Variants in ROR1 observed in about 807,000 individuals in gnomAD.
The protein encoded by ROR1 is inactive tyrosine-protein kinase transmembrane receptor ROR1.
Under a neutral mutation model 78.8 loss-of-function variants are expected in ROR1, and 19 were observed. The ratio of observed to expected loss-of-function variants is 0.24; its 90% CI spans 0.17 to 0.35. ROR1 has a LOEUF of 0.35. Ranked by LOEUF, ROR1 falls within the 10% of genes least tolerant of loss-of-function variation. The pLI, the probability that ROR1 is intolerant of heterozygous loss-of-function variation, is 1.00. For synonymous variants in ROR1, 386 were observed against 433.6 expected (o/e 0.89, Z 1.36); for missense variants, 917 against 1,177.8 (o/e 0.78, Z 3.24).
In ROR1 at chr1:63,786,798, G is replaced by A. The variant is rs78696627; in HGVS notation, c.91+12290G>A. On this transcript the variant is annotated intron_variant, in intron 1 of 8. Coordinates refer to ENST00000371079, the MANE Select transcript of ROR1 (RefSeq NM_005012.4). ...CAATTGATCTGAGTGCTGGTGGATG[G>A]GAGGGAAGGAAAGGAGGGGCCCAAG... Among the ~76,000 whole-genome samples, 851 of 152,134 alleles carry A rather than the reference G, an allele frequency of 5.6e-3. 8 individuals are homozygous for A. The highest frequency in any genetic ancestry group is 0.02 in the African/African-American group (811 of 41,484).
chr1:63,843,085 C>G lies in ROR1; in HGVS notation c.91+68577C>G. On this transcript the variant is annotated intron_variant, in intron 1 of 8. Transcript: ENST00000371079. ...GAGTGAAGGGATTGCCCTCCCCCTGCTGGGATCCCCCCAGCCCCTCTGGTC... is the reference window on the plus strand; with the variant it reads ...GAGTGAAGGGATTGCCCTCCCCCTGGTGGGATCCCCCCAGCCCCTCTGGTC... 1.7e-5 allele frequency: 9 copies of G among 536,212 alleles called. No individual in the cohort carries two copies. In the South Asian group the frequency reaches 1.9e-4, roughly 11 times the overall value. The allele number at this position is 536,212 out of a possible 1,614,324, so 33.2% of individuals were successfully genotyped here.
At chr1:63,788,887 TC>T (rs1214655406) in intron 1 of ROR1, 2 of 879,484 alleles carry the variant, frequency 2.3e-6, no homozygotes, top group African/African-American at 1.7e-5. Flanking sequence ...GTGGATGTGT[TC>T]CATGAGAATC....
chr1:63,939,104 A>G (rs192535675), intron 1 of ROR1, among the ~76,000 whole-genome samples: 83 of 152,350 alleles, frequency 5.4e-4, no homozygotes, highest in African/African-American at 2.0e-3. Context: ...AGGAAGAAGG[A>G]TCAGGTTGAT....
chr1:63,909,889 G>T (rs535228884), intron 1 of ROR1, among the ~76,000 whole-genome samples: 3 of 152,184 alleles, frequency 2.0e-5, no homozygotes, highest in African/African-American at 4.8e-5. Flanking sequence ...GTTGTTTGGC[G>T]TGCTGCAAAA....
chr1:63,871,254 G>C (rs2100359422), intron 1 of ROR1, among the ~76,000 whole-genome samples: 1 of 152,304 alleles, frequency 6.6e-6, no homozygotes, highest in East Asian at 1.9e-4. Flanking sequence ...ACCATAATAA[G>C]TACATGACAG....
chr1:64,013,013 G>GA, intron 2 of ROR1, among the ~76,000 whole-genome samples: 1 of 152,262 alleles, frequency 6.6e-6, no homozygotes, highest in East Asian at 1.9e-4. Context: ...ACTCCACTAT[G>GA]CGTTTCCTGT....
intron 1 of ROR1, among the ~76,000 whole-genome samples, chr1:63,974,518 A>G (rs1333910404): frequency 6.6e-6 from 1 of 151,890 alleles, no homozygotes; most frequent in Admixed American, 6.6e-5. Flanking sequence ...TCTCAGCTCA[A>G]TGCAACCTTC....
At chr1:63,838,544 T>C (rs1054300264) in intron 1 of ROR1, among the ~76,000 whole-genome samples, 16 of 152,100 alleles carry the variant, frequency 1.1e-4, no homozygotes, top group Non-Finnish European at 1.5e-4. Flanking sequence ...AAAATATTTT[T>C]GTACAGCTAT....
At chr1:63,884,718 G>A (rs77811495) in intron 1 of ROR1, among the ~76,000 whole-genome samples, 1,852 of 152,260 alleles carry the variant, frequency 0.012, 42 homozygotes, top group African/African-American at 0.043. Context: ...GACCTGGGGA[G>A]GAGACAGGGG....
At chr1:63,888,803 C>T (rs1645374696) in intron 1 of ROR1, among the ~76,000 whole-genome samples, 1 of 151,932 alleles carries the variant, frequency 6.6e-6, no homozygotes, top group East Asian at 1.9e-4. Context: ...CTAATATGTG[C>T]CAAGCATATG....
At chr1:63,915,449 G>A (rs1645601813) in intron 1 of ROR1, among the ~76,000 whole-genome samples, 2 of 152,286 alleles carry the variant, frequency 1.3e-5, no homozygotes, top group Admixed American at 1.3e-4. Flanking sequence ...AGTGGGCAGG[G>A]TTTTTATAGC....
Position 64,142,638 on chromosome 1 carries a change from A to T in ROR1, c.1162A>T (p.Ile388Phe), listed in dbSNP as rs1557672057. 1 of 1,614,136 alleles carries T rather than the reference A, an allele frequency of 6.2e-7. No homozygotes were observed. Among genetic ancestry groups the T allele is most frequent in the Admixed American group, 1.7e-5 (1 of 60,028 alleles). The change falls in exon 7 of 9, where the codon ATC becomes TTC. Residue 388 changes from isoleucine (I) to phenylalanine (F), a missense_variant. This residue lies in a region of ROR1 where 835 missense variants were observed against 1,069.8 expected (regional missense o/e 0.78). Transcript: ENST00000371079. Reference protein sequence around the residue: ...DENFKSDLCDIPACDSKDSKE... With the variant: ...DENFKSDLCDFPACDSKDSKE... The stretch of plus-strand genomic sequence containing the variant: ...AAACTTTAAGTCTGATCTGTGTGAC[A>T]TCCCAGCGTGCGGTAAATAGAAGTC...
At chr1:63,940,101 A>C (rs1569944675) in intron 1 of ROR1, among the ~76,000 whole-genome samples, 2 of 152,196 alleles carry the variant, frequency 1.3e-5, no homozygotes, top group Non-Finnish European at 2.9e-5. Context: ...GTAGTGACTC[A>C]TGAGCCACAC....
At chr1:64,072,678 TG>T (rs1647016816) in intron 4 of ROR1, among the ~76,000 whole-genome samples, 1 of 152,144 alleles carries the variant, frequency 6.6e-6, no homozygotes, top group South Asian at 2.1e-4. Context: ...CCCACAGGTC[TG>T]CCAGGGAATG....
chr1:63,775,262 GAC>G (rs778614433), intron 1 of ROR1: 1 of 152,222 alleles, frequency 6.6e-6, no homozygotes, highest in Non-Finnish European at 1.5e-5. Context: ...AATCTCTAAA[GAC>G]AATCGCAACA....
intron 4 of ROR1, among the ~76,000 whole-genome samples, chr1:64,074,096 T>A (rs1329295198): frequency 6.6e-6 from 1 of 152,162 alleles, no homozygotes; most frequent in Non-Finnish European, 1.5e-5. Context: ...TATTCTTCTT[T>A]TTACAAGAAC....
intron 1 of ROR1, among the ~76,000 whole-genome samples, chr1:63,796,910 TCATCGGTGATGAGAAAAATGTTTCA>T (rs1227795549): frequency 2.0e-5 from 3 of 152,184 alleles, no homozygotes; most frequent in Non-Finnish European, 4.4e-5. Flanking sequence ...GAATCCAACA[TCATCGGTGATGAGAAAAATGTTTCA>T]CATTTTTCAA....
chr1:63,980,290 T>C (rs1646199412), intron 1 of ROR1, among the ~76,000 whole-genome samples: 1 of 152,008 alleles, frequency 6.6e-6, no homozygotes, highest in South Asian at 2.1e-4. Flanking sequence ...AGGTAGTGGG[T>C]GATCTCTTGA....
chr1:63,917,600 A>G (rs2100424389), intron 1 of ROR1, among the ~76,000 whole-genome samples: 1 of 152,316 alleles, frequency 6.6e-6, no homozygotes, highest in East Asian at 1.9e-4. Flanking sequence ...AAAATTATAA[A>G]AAATTAAATC....
Sources: gnomAD v4.1 joint callset for allele counts (sites outside exome capture counted in the v4.1 genomes callset) on GRCh38, gnomAD v4.1.1 for gene constraint, gnomAD v4.1.1 regional missense constraint, MANE v1.5 for transcripts, NCBI Gene and HGNC (gene_info 2026-07-23, HGNC 2026-07-21) for gene names.